The following FOXO3B variants were observed in gnomAD, a reference collection of about 807,000 sequenced individuals.
FOXO3B encodes forkhead box O3B.
A neutral mutation model predicts 21.9 loss-of-function variants in FOXO3B; 15 were observed. The ratio of observed to expected loss-of-function variants is 0.68; its 90% CI spans 0.46 to 1.05. FOXO3B has a LOEUF of 1.05. Among genes scored for constraint, FOXO3B ranks in the 50% least tolerant of loss-of-function variants. FOXO3B has a pLI of 0.00. For missense variants in FOXO3B, 293 were observed against 435.5 expected (o/e 0.67, Z 2.91); for synonymous variants, 135 against 213.6 (o/e 0.63, Z 3.21).
chr17:18,670,809 A>C lies in FOXO3B; in HGVS notation c.*1500T>G, dbSNP rs1160177158. 5.4e-6 allele frequency: 7 copies of C among 1,287,768 alleles called. No homozygotes were observed. The highest frequency in any genetic ancestry group is 7.6e-6 in the Non-Finnish European group (7 of 916,996). The allele number at this position is 1,287,768 out of a possible 1,614,324, so 79.8% of individuals were successfully genotyped here. A position where few individuals can be genotyped will look rare whatever the true frequency, so the allele number is the denominator to read the frequency against. On this transcript the variant is annotated 3_prime_UTR_variant, in exon 4 of 4. Coordinates refer to ENST00000395675, the MANE Select transcript of FOXO3B (RefSeq NM_001368135.1). ...TAAGCTGTAAACGGTATCACTGTCC[A>C]CTTGCTGAGAGCAGATTTGGCAAAG...
chr17:18,674,010 T>A (rs2649416), intron 3 of FOXO3B, among the ~76,000 whole-genome samples: 1 of 150,094 alleles, frequency 6.7e-6, no homozygotes, highest in Non-Finnish European at 1.5e-5. Context: ...GAAAAGGATG[T>A]TGTTGGGGAG....
intron 3 of FOXO3B, among the ~76,000 whole-genome samples, chr17:18,674,574 C>T (rs1403672290): frequency 1.4e-5 from 2 of 139,208 alleles, no homozygotes; most frequent in Non-Finnish European, 3.0e-5. Flanking sequence ...TGCAGTGAGC[C>T]AAGATCGCAC....
Position 18,668,944 on chromosome 17 carries a change from T to A in FOXO3B, c.*3365A>T, listed in dbSNP as rs1238343513. 1 of 152,426 alleles carries A rather than the reference T, an allele frequency of 6.6e-6. No homozygotes were observed. The highest frequency in any genetic ancestry group is 1.5e-5 in the Non-Finnish European group (1 of 68,048). 9.4% of individuals were successfully genotyped at this position (152,426 alleles called of 1,614,324 possible). Reference sequence around the variant, plus strand: ...GAATAGAATACATACTTTAAAAAATTATACATACTTTAAAAATGAAGATTA... The same window carrying A: ...GAATAGAATACATACTTTAAAAAATAATACATACTTTAAAAATGAAGATTA... On this transcript the variant is annotated 3_prime_UTR_variant, in exon 4 of 4. Transcript: ENST00000395675.
rs1179313063 is a variant in FOXO3B, at chr17:18,670,610, T to C, written c.*1699A>G. Reference sequence around the variant, plus strand: ...GCTCACGGTGTGCTCTGAACGAGGGTGGGTGGTGCTGAGGGGTGCTGTCCT... The same window carrying C: ...GCTCACGGTGTGCTCTGAACGAGGGCGGGTGGTGCTGAGGGGTGCTGTCCT... On this transcript the variant is annotated 3_prime_UTR_variant, in exon 4 of 4. Coordinates refer to ENST00000395675, the MANE Select transcript of FOXO3B (RefSeq NM_001368135.1). 6.6e-6 allele frequency among the ~76,000 whole-genome samples: 1 copy of C among 152,096 alleles called. No homozygotes were observed. Among genetic ancestry groups the C allele is most frequent in the Non-Finnish European group, 1.5e-5 (1 of 68,016 alleles).
chr17:18,669,011 A>G lies in FOXO3B; in HGVS notation c.*3298T>C, dbSNP rs2032316360. On this transcript the variant is annotated 3_prime_UTR_variant, in exon 4 of 4. Transcript: ENST00000395675. ...TAGAAAAGGCAATGTGCTACAGTCT[A>G]CTATAACCACAATTGCACAACAATT... The G allele has an allele frequency of 6.6e-6, 1 of 151,704 alleles. No individual in the cohort carries two copies. Among genetic ancestry groups the G allele is most frequent in the African/African-American group, 2.4e-5 (1 of 41,158 alleles). 9.4% of individuals were successfully genotyped at this position (151,704 alleles called of 1,614,324 possible).
intron 3 of FOXO3B, among the ~76,000 whole-genome samples, chr17:18,676,393 T>C (rs980000409): frequency 5.3e-5 from 8 of 152,292 alleles, no homozygotes; most frequent in African/African-American, 1.9e-4. Flanking sequence ...CAACTGCTAC[T>C]AATGGCAAAA....
Position 18,669,748 on chromosome 17 carries a change from A to G in FOXO3B, c.*2561T>C, listed in dbSNP as rs1470341384. 6.6e-6 allele frequency among the ~76,000 whole-genome samples: 1 copy of G among 152,164 alleles called. No individual in the cohort carries two copies. Among genetic ancestry groups the G allele is most frequent in the Non-Finnish European group, 1.5e-5 (1 of 68,030 alleles). ...GTTTATATGCTATTGCCTCTCACTC[A>G]TACACTTCTAGCAGATCAGATTATA... On this transcript the variant is annotated 3_prime_UTR_variant, in exon 4 of 4. Transcript: ENST00000395675.
At chr17:18,674,387 A>G (rs1295378433) in intron 3 of FOXO3B, among the ~76,000 whole-genome samples, 1 of 150,470 alleles carries the variant, frequency 6.6e-6, no homozygotes, top group Non-Finnish European at 1.5e-5. Context: ...GCACTTTGGG[A>G]GGCCAAGGAG....
chr17:18,679,167 T>A (rs887655110), intron 3 of FOXO3B, among the ~76,000 whole-genome samples: 1 of 152,188 alleles, frequency 6.6e-6, no homozygotes, highest in Non-Finnish European at 1.5e-5. Context: ...TTTCAGTTTG[T>A]TAGTCAATAG....
rs888530857 is a variant in FOXO3B at position 18,672,244 on chromosome 17, G to C, written c.*65C>G. On this transcript the variant is annotated 3_prime_UTR_variant, in exon 4 of 4. Transcript: ENST00000395675. The surrounding 1 kb of genome is among the most constrained non-coding windows in gnomAD (Gnocchi z 4.2). ...GATGATCCACCAAGAGCTCTTGCCA[G>C]TTCCCTCATTCTGGACCCGCATGAA... 1.9e-6 allele frequency: 3 copies of C among 1,612,614 alleles called. No individual in the cohort carries two copies. In the African/African-American group the frequency reaches 4.0e-5, roughly 22 times the overall value.
chr17:18,674,920 A>C (rs574677414), intron 3 of FOXO3B, among the ~76,000 whole-genome samples: 70 of 152,326 alleles, frequency 4.6e-4, no homozygotes, highest in South Asian at 6.2e-4. Flanking sequence ...CTTGCCAGCC[A>C]TTGAGCTAGA....
intron 3 of FOXO3B, chr17:18,677,253 T>A: frequency 4.4e-6 from 7 of 1,606,068 alleles, no homozygotes; most frequent in Non-Finnish European, 6.0e-6. Flanking sequence ...TCTACTTGTA[T>A]GTATACAAGG....
intron 3 of FOXO3B, among the ~76,000 whole-genome samples, chr17:18,678,218 C>T (rs1041327223): frequency 2.0e-5 from 3 of 152,066 alleles, no homozygotes; most frequent in Non-Finnish European, 4.4e-5. Flanking sequence ...GTTTGAAACA[C>T]ATGTATTATA....
rs2032312390 is a variant in FOXO3B at position 18,668,781 on chromosome 17, G to A, written c.*3528C>T. 6.6e-6 allele frequency: 1 copy of A among 152,052 alleles called. No homozygotes were observed. Among genetic ancestry groups the A allele is most frequent in the African/African-American group, 2.4e-5 (1 of 41,386 alleles). The allele number at this position is 152,052 out of a possible 1,614,324, so 9.4% of individuals were successfully genotyped here. On this transcript the variant is annotated 3_prime_UTR_variant, in exon 4 of 4. Transcript: ENST00000395675. ...CACCCAGGGCAGCATCCCTTAGGAA[G>A]CTTGGAGAGGCAACCCTCCTTCACT...
At chr17:18,680,600 C>G (rs571494359) in intron 3 of FOXO3B, 141 bp downstream of exon 3, 1 of 636,408 alleles carries the variant, frequency 1.6e-6, no homozygotes, top group East Asian at 2.8e-5. Flanking sequence ...GTCCATTAGT[C>G]TCCTGACTAG....
intron 3 of FOXO3B, among the ~76,000 whole-genome samples, chr17:18,674,521 G>T (rs561037632): frequency 2.0e-5 from 3 of 150,258 alleles, no homozygotes; most frequent in South Asian, 4.2e-4. Flanking sequence ...AGCTACTCAG[G>T]AGGCCGAGGC....
rs2151732862 is a variant in FOXO3B at position 18,667,633 on chromosome 17, A to G, written c.*4676T>C. On this transcript the variant is annotated 3_prime_UTR_variant, in exon 4 of 4. Coordinates refer to ENST00000395675, the MANE Select transcript of FOXO3B (RefSeq NM_001368135.1). ...AAGCAATAAAGGAAACCAAGCTCAG[A>G]TTCATTCACATTTAATGGGGTACAC... is the stretch of plus-strand genomic sequence containing the variant. 6.6e-6 allele frequency: 1 copy of G among 152,376 alleles called. No homozygotes were observed. Among genetic ancestry groups the G allele is most frequent in the East Asian group, 1.9e-4 (1 of 5,188 alleles). 9.4% of individuals were successfully genotyped at this position (152,376 alleles called of 1,614,324 possible).
At position 18,673,013 on chromosome 17, in the gene FOXO3B, C is replaced by T. The variant is rs1208060166; in HGVS notation, c.169G>A (p.Gly57Ser). The change falls in exon 4 of 4, where the codon GGC becomes AGC. Residue 57 changes from glycine (G) to serine (S), a missense_variant. Coordinates refer to ENST00000395675, the MANE Select transcript of FOXO3B (RefSeq NM_001368135.1). ...TGCAGCGGGGGAGGGACGTGGACGC[C>T]GCGAAGGCTCCGGCTCCCGGGCGCC... is the stretch of plus-strand genomic sequence containing the variant. The part of the protein sequence containing the change: ...AAAPGSRSLR[G>S]VHVPPPLHPA... 2 of 1,462,082 alleles carry T rather than the reference C, an allele frequency of 1.4e-6. No individual in the cohort carries two copies. Among genetic ancestry groups the T allele is most frequent in the South Asian group, 1.3e-5 (1 of 77,796 alleles). The allele number at this position is 1,462,082 out of a possible 1,614,324, so 90.6% of individuals were successfully genotyped here.
Position 18,669,344 on chromosome 17 carries a change from C to T in FOXO3B, c.*2965G>A, listed in dbSNP as rs2032321212. On this transcript the variant is annotated 3_prime_UTR_variant, in exon 4 of 4. Coordinates refer to ENST00000395675, the MANE Select transcript of FOXO3B (RefSeq NM_001368135.1). Reference sequence around the variant, plus strand: ...AAATACTAGCCTGTATTCCTAAGGCCCATGCATAAGGTTCCATTTTTGTAC... The same window carrying T: ...AAATACTAGCCTGTATTCCTAAGGCTCATGCATAAGGTTCCATTTTTGTAC... The T allele has an allele frequency of 7.1e-6, 1 of 140,382 alleles. No individual in the cohort carries two copies. The highest frequency in any genetic ancestry group is 2.3e-4 in the South Asian group (1 of 4,264). 8.7% of individuals were successfully genotyped at this position (140,382 alleles called of 1,614,324 possible).
Sources: allele counts gnomAD v4.1 joint callset (sites outside exome capture counted in the v4.1 genomes callset), GRCh38; gene constraint gnomAD v4.1.1; non-coding constraint Gnocchi (gnomAD v3.1); transcripts MANE v1.5; gene names NCBI Gene and HGNC (gene_info 2026-07-23, HGNC 2026-07-21).